The following KAZN variants were observed in gnomAD, a reference collection of about 807,000 sequenced individuals.
KAZN encodes the protein kazrin.
A neutral mutation model predicts 87.4 loss-of-function variants in KAZN; 40 were observed. The observed-to-expected ratio is 0.46, with a 90% CI of 0.36 to 0.60. The LOEUF (loss-of-function observed/expected upper bound fraction) is 0.60. Ranked by LOEUF, KAZN falls within the 20% of genes least tolerant of loss-of-function variation. The pLI is 0.00. For missense variants in KAZN, 898 were observed against 1,073.9 expected (o/e 0.84, Z 2.29); for synonymous variants, 466 against 458.3 (o/e 1.02, Z -0.22).
intron 1 of KAZN, among the ~76,000 whole-genome samples, chr1:14,914,805 A>G (rs902049340): frequency 6.6e-6 from 1 of 152,050 alleles, no homozygotes; most frequent in African/African-American, 2.4e-5. Context: ...AACCTCTCTG[A>G]ACCTTGGATC....
chr1:14,135,220 T>G (rs1052483695), intron 1 of KAZN, among the ~76,000 whole-genome samples: 7 of 152,206 alleles, frequency 4.6e-5, no homozygotes, highest in African/African-American at 1.4e-4. Flanking sequence ...CAGCACCCTG[T>G]GAGGAGGCCT....
intron 1 of KAZN, among the ~76,000 whole-genome samples, chr1:13,926,234 C>T (rs1226947021): frequency 6.6e-6 from 1 of 152,054 alleles, no homozygotes; most frequent in Non-Finnish European, 1.5e-5. Flanking sequence ...CTGTTACTAC[C>T]CAGAGTGGGC....
chr1:14,752,188 T>A (rs1049825751), intron 1 of KAZN, among the ~76,000 whole-genome samples: 4 of 152,200 alleles, frequency 2.6e-5, no homozygotes, highest in Non-Finnish European at 5.9e-5. Context: ...TCTGCCCCTA[T>A]GACCCAAACA....
At chr1:14,899,265 T>C (rs1248761968) in intron 1 of KAZN, among the ~76,000 whole-genome samples, 1 of 152,186 alleles carries the variant, frequency 6.6e-6, no homozygotes, top group African/African-American at 2.4e-5. Context: ...CCTGGAGACT[T>C]TGGGGCATGG....
chr1:14,335,111 C>CG (rs1024004313), intron 2 of KAZN, among the ~76,000 whole-genome samples: 1 of 150,706 alleles, frequency 6.6e-6, no homozygotes, highest in Non-Finnish European at 1.5e-5. Context: ...TCGGTGCCCC[C>CG]CCCCCACCAC....
intron 1 of KAZN, among the ~76,000 whole-genome samples, chr1:14,100,164 C>T (rs748083772): frequency 7.9e-5 from 12 of 152,280 alleles, no homozygotes; most frequent in Non-Finnish European, 1.2e-4. Flanking sequence ...TGTTGTTTAT[C>T]GGTTCCCTTA....
chr1:14,602,208 G>T (rs904970054), intron 1 of KAZN, among the ~76,000 whole-genome samples: 11 of 152,170 alleles, frequency 7.2e-5, no homozygotes, highest in African/African-American at 2.2e-4. Context: ...AGCTGGCATG[G>T]TTGCTATGTA....
At chr1:14,910,623 G>A (rs1316290127) in intron 1 of KAZN, among the ~76,000 whole-genome samples, 2 of 152,200 alleles carry the variant, frequency 1.3e-5, no homozygotes, top group Non-Finnish European at 2.9e-5. Context: ...AGGATAACCA[G>A]GAAGGGAGGA....
At chr1:14,881,722 T>C (rs1167965893) in intron 1 of KAZN, among the ~76,000 whole-genome samples, 4 of 152,210 alleles carry the variant, frequency 2.6e-5, no homozygotes, top group African/African-American at 9.6e-5. Context: ...GCTCGACCAC[T>C]TCCCAGCCAG....
chr1:14,205,406 A>G (rs1179273597), intron 2 of KAZN, among the ~76,000 whole-genome samples: 4 of 152,160 alleles, frequency 2.6e-5, no homozygotes, highest in Non-Finnish European at 5.9e-5. Flanking sequence ...AAAAATGTTC[A>G]CTATTGTCAT....
At chr1:14,987,424 G>A (rs935809657) in intron 2 of KAZN, among the ~76,000 whole-genome samples, 1 of 152,186 alleles carries the variant, frequency 6.6e-6, no homozygotes. Context: ...AACCCAGGAG[G>A]TGGAGGTGGC....
chr1:14,682,705 G>A (rs1241469516), intron 1 of KAZN, among the ~76,000 whole-genome samples: 1 of 152,140 alleles, frequency 6.6e-6, no homozygotes, highest in Non-Finnish European at 1.5e-5. Flanking sequence ...AGTTTTTAAA[G>A]GAACGTGGAA....
Position 14,599,846 on chromosome 1 carries a change from C to T in KAZN, c.226+623C>T, listed in dbSNP as rs894486447. 6.6e-6 allele frequency among the ~76,000 whole-genome samples: 1 copy of T among 151,968 alleles called. No individual in the cohort carries two copies. Among genetic ancestry groups the T allele is most frequent in the African/African-American group, 2.4e-5 (1 of 41,364 alleles). On this transcript the variant is annotated intron_variant, in intron 1 of 14. Transcript: ENST00000376030. This position sits in a 1 kb window ranked among gnomAD's most constrained non-coding sequence, Gnocchi z 4.4. ...AAATATAAACACCGAGAGCACTTTC[C>T]AGGGGGATACTGTAGACCTCAAAGG...
intron 1 of KAZN, among the ~76,000 whole-genome samples, chr1:14,814,530 A>G (rs1294975064): frequency 1.3e-5 from 2 of 152,190 alleles, no homozygotes; most frequent in Non-Finnish European, 2.9e-5. Context: ...TGCATCTTCT[A>G]TTGGTCCCTG....
intron 2 of KAZN, among the ~76,000 whole-genome samples, chr1:14,229,177 A>G (rs1278777304): frequency 6.6e-6 from 1 of 152,226 alleles, no homozygotes; most frequent in African/African-American, 2.4e-5. Context: ...AAGACAAGGA[A>G]GAAAAATAGC....
intron 2 of KAZN, among the ~76,000 whole-genome samples, chr1:14,478,782 G>C (rs947213370): frequency 6.6e-5 from 10 of 152,260 alleles, no homozygotes; most frequent in Non-Finnish European, 7.4e-5. Context: ...CTTGTCCACT[G>C]TCAGCAACAC....
intron 1 of KAZN, among the ~76,000 whole-genome samples, chr1:13,965,160 G>A (rs754550375): frequency 1.6e-4 from 25 of 152,142 alleles, no homozygotes; most frequent in African/African-American, 2.7e-4. Flanking sequence ...AGGGGTGGGC[G>A]CTAGAGAGGT....
chr1:14,386,716 A>G (rs1661931575), intron 2 of KAZN, among the ~76,000 whole-genome samples: 1 of 152,066 alleles, frequency 6.6e-6, no homozygotes, highest in African/African-American at 2.4e-5. Flanking sequence ...TTTGAGGGTA[A>G]CATGACCTTT....
At position 15,021,103 on chromosome 1, in the gene KAZN, C is replaced by T. The variant is rs1670622237; in HGVS notation, c.419-13646C>T. Among the ~76,000 whole-genome samples the T allele has an allele frequency of 6.6e-6, 1 of 152,132 alleles. No individual in the cohort carries two copies. Among genetic ancestry groups the T allele is most frequent in the Non-Finnish European group, 1.5e-5 (1 of 68,018 alleles). The stretch of plus-strand genomic sequence containing the variant: ...GACAGTCTTGAGTAGGACACCAAAA[C>T]CCAGAGAGGGTGCCTGAGTTCCCAA... On this transcript the variant is annotated intron_variant, in intron 2 of 14. Transcript: ENST00000376030. This position sits in a 1 kb window ranked among gnomAD's most constrained non-coding sequence, Gnocchi z 4.2.
Sources: gnomAD v4.1 joint callset for allele counts (sites outside exome capture counted in the v4.1 genomes callset) on GRCh38, gnomAD v4.1.1 for gene constraint, Gnocchi (gnomAD v3.1) non-coding constraint, MANE v1.5 for transcripts, NCBI Gene and HGNC (gene_info 2026-07-23, HGNC 2026-07-21) for gene names.